OVCH1: variants seen among roughly 807,000 people sequenced by gnomAD.
OVCH1 encodes ovochymase 1.
Under a neutral mutation model 138.4 loss-of-function variants are expected in OVCH1, and 139 were observed. The observed-to-expected ratio is 1.00, with a 90% CI of 0.87 to 1.16. The LOEUF (loss-of-function observed/expected upper bound fraction) is 1.16. OVCH1 is among the 50% of genes most tolerant of loss of function. The pLI, the probability that OVCH1 is intolerant of heterozygous loss-of-function variation, is 0.00. For synonymous variants in OVCH1, 453 were observed against 467.8 expected (o/e 0.97, Z 0.41); for missense variants, 1,367 against 1,357.9 (o/e 1.01, Z -0.11).
intron 19 of OVCH1, among the ~76,000 whole-genome samples, chr12:29,459,592 T>C (rs1380992223): frequency 6.6e-6 from 1 of 152,158 alleles, no homozygotes; most frequent in Non-Finnish European, 1.5e-5. Flanking sequence ...CTACAGTCAA[T>C]AATAATTTAA....
chr12:29,438,199 TGAA>T, intron 26 of OVCH1, among the ~76,000 whole-genome samples: 1 of 152,276 alleles, frequency 6.6e-6, no homozygotes, highest in African/African-American at 2.4e-5. Flanking sequence ...CTGTATGATG[TGAA>T]GAATAATTTT....
chr12:29,405,108 A>G, the OVCH1 span, among the ~76,000 whole-genome samples: 2 of 151,436 alleles, frequency 1.3e-5, no homozygotes, highest in Non-Finnish European at 2.9e-5. Context: ...ATCAGCAATT[A>G]CACATAATTC....
chr12:29,476,978 A>AG, intron 12 of OVCH1, 124 bp downstream of exon 12: 1 of 1,190,132 alleles, frequency 8.4e-7, no homozygotes, highest in East Asian at 2.7e-5. Flanking sequence ...AGTAAAAAAA[A>AG]ATGGCAAATG....
chr12:29,434,997 G>T (rs1162628368), intron 26 of OVCH1, among the ~76,000 whole-genome samples: 1 of 152,158 alleles, frequency 6.6e-6, no homozygotes, highest in East Asian at 1.9e-4. Flanking sequence ...AGGTGACATG[G>T]TCTAAGACTG....
chr12:29,486,737 G>T, intron 7 of OVCH1: 1 of 313,872 alleles, frequency 3.2e-6, no homozygotes, highest in Non-Finnish European at 6.3e-6. Flanking sequence ...TCCTAAGGAA[G>T]CATTATTTAA....
chr12:29,406,567 GTTC>G, the OVCH1 span, among the ~76,000 whole-genome samples: 2 of 151,540 alleles, frequency 1.3e-5, no homozygotes, highest in Non-Finnish European at 1.5e-5. Flanking sequence ...TTGGTTTTTT[GTTC>G]TTGTGATAGT....
At chr12:29,482,276 C>T (rs1001728220) in intron 8 of OVCH1, among the ~76,000 whole-genome samples, 4 of 152,084 alleles carry the variant, frequency 2.6e-5, no homozygotes, top group African/African-American at 9.7e-5. Flanking sequence ...TCACACATAC[C>T]ATTCCTTCTG....
intron 21 of OVCH1, among the ~76,000 whole-genome samples, chr12:29,453,354 T>C (rs539730785): frequency 2.7e-4 from 41 of 152,278 alleles, no homozygotes; most frequent in African/African-American, 9.6e-4. Flanking sequence ...TTTCCTGTCA[T>C]AATTCTTTCT....
downstream of OVCH1, among the ~76,000 whole-genome samples, chr12:29,409,397 G>A (rs989412904): frequency 6.6e-6 from 1 of 151,974 alleles, no homozygotes; most frequent in Non-Finnish European, 1.5e-5. Flanking sequence ...TAATTGTGAT[G>A]TTAGGGTGTC....
At chr12:29,474,441 A>T (rs1273578500) in intron 14 of OVCH1, among the ~76,000 whole-genome samples, 1 of 152,200 alleles carries the variant, frequency 6.6e-6, no homozygotes, top group Non-Finnish European at 1.5e-5. Context: ...GAGATAATGC[A>T]TGTGAAATGC....
intron 19 of OVCH1, among the ~76,000 whole-genome samples, chr12:29,458,650 C>T (rs1050077425): frequency 6.6e-6 from 1 of 152,088 alleles, no homozygotes; most frequent in Admixed American, 6.6e-5. Context: ...CACATAAGAT[C>T]ATATCATGTT....
Position 29,471,788 on chromosome 12 carries a change from C to G in OVCH1, c.1856+14G>C, listed in dbSNP as rs371906509. 4.4e-6 allele frequency: 7 copies of G among 1,598,624 alleles called. No homozygotes were observed. The highest frequency in any genetic ancestry group is 5.1e-6 in the Non-Finnish European group (6 of 1,172,372). On this transcript the variant is annotated intron_variant, in intron 16 of 27. Coordinates refer to ENST00000318184, the Ensembl canonical transcript of OVCH1. ...ATGTGCTAAATAGGTTGGTAAAATA[C>G]CAGTTTCACTCACAATTGCACACAG... is the stretch of plus-strand genomic sequence containing the variant.
At chr12:29,490,326 T>A (rs898245264) in intron 5 of OVCH1, among the ~76,000 whole-genome samples, 4 of 152,276 alleles carry the variant, frequency 2.6e-5, no homozygotes, top group African/African-American at 9.6e-5. Flanking sequence ...CCCATCTTCC[T>A]GCCTTGGCCT....
intron 3 of OVCH1, among the ~76,000 whole-genome samples, chr12:29,416,937 T>TG (rs1941037412): frequency 6.6e-6 from 1 of 152,098 alleles, no homozygotes; most frequent in South Asian, 2.1e-4. Context: ...TTAAACAAAC[T>TG]GTGGTACATT....
intron 3 of OVCH1, 89 bp from the exon 4 acceptor site, chr12:29,495,546 G>T: frequency 8.7e-7 from 1 of 1,151,840 alleles, no homozygotes. Flanking sequence ...AGTGATTAAT[G>T]TATCTTTAAG....
In OVCH1 at chr12:29,491,096, CT is replaced by C; in HGVS notation, c.550del (p.Thr184HisfsTer28). ...TATTAAGTCATTTTGGTGTCTCTTA[CT>C]TTTGGAAATCTTGCCCCATCCACTG... On this transcript the variant is annotated frameshift_variant and splice_region_variant, in exon 5 of 28. Coordinates refer to ENST00000318184, the Ensembl canonical transcript of OVCH1. LOFTEE classifies it high-confidence loss of function. The C allele has an allele frequency of 6.2e-7, 1 of 1,612,450 alleles. No individual in the cohort carries two copies. Among genetic ancestry groups the C allele is most frequent in the South Asian group, 1.1e-5 (1 of 91,014 alleles).
intron 22 of OVCH1, 22 bp downstream of exon 22, chr12:29,451,323 T>C (rs1941788585): frequency 6.3e-7 from 1 of 1,590,378 alleles, no homozygotes; most frequent in African/African-American, 1.3e-5. Context: ...TAGCACGAAG[T>C]TTATATGCCA....
chr12:29,448,752 A>G (rs1389247379), intron 22 of OVCH1, among the ~76,000 whole-genome samples: 1 of 152,122 alleles, frequency 6.6e-6, no homozygotes, highest in Non-Finnish European at 1.5e-5. Context: ...CTTTAAGCAA[A>G]CATTTTTGCT....
chr12:29,422,748 A>G (rs76307974), downstream of OVCH1, among the ~76,000 whole-genome samples: 1,175 of 152,242 alleles, frequency 7.7e-3, 15 homozygotes, highest in African/African-American at 0.027. Context: ...CAGCTAATCT[A>G]TTCTCTTCTG....
Sources: allele counts gnomAD v4.1 joint callset (sites outside exome capture counted in the v4.1 genomes callset), GRCh38; gene constraint gnomAD v4.1.1; transcripts MANE v1.5; gene names NCBI Gene and HGNC (gene_info 2026-07-23, HGNC 2026-07-21).